Variants in NEO1 observed in about 807,000 individuals in gnomAD.
The protein encoded by NEO1 is neogenin 1, also known as neogenin.
Under a neutral mutation model 159.7 loss-of-function variants are expected in NEO1, and 63 were observed. The observed-to-expected ratio is 0.39, with a 90% CI of 0.32 to 0.49. The LOEUF is 0.49. NEO1 is among the 20% of genes least tolerant of loss of function. The pLI, the probability that NEO1 is intolerant of heterozygous loss-of-function variation, is 0.85. For missense variants in NEO1, 1,615 were observed against 1,831.0 expected, an observed-to-expected ratio of 0.88 and a Z score of 2.15; for synonymous variants, 633 against 662.0, an observed-to-expected ratio of 0.96 and a Z score of 0.67.
chr15:73,127,226 G>A (rs1257365726), intron 4 of NEO1, among the ~76,000 whole-genome samples: 1 of 120,276 alleles, frequency 8.3e-6, no homozygotes, highest in Admixed American at 7.5e-5. Flanking sequence ...CCTAGACGCC[G>A]TCTCAAAAAA....
intron 4 of NEO1, among the ~76,000 whole-genome samples, chr15:73,134,064 T>C (rs1255771739): frequency 1.3e-5 from 2 of 152,230 alleles, no homozygotes; most frequent in African/African-American, 4.8e-5. Flanking sequence ...TTGATGAACA[T>C]TAAGTTTTTT....
intron 7 of NEO1, among the ~76,000 whole-genome samples, chr15:73,217,127 C>T (rs1451374726): frequency 2.0e-5 from 3 of 151,554 alleles, no homozygotes; most frequent in Non-Finnish European, 4.4e-5. Flanking sequence ...GGAAGGGATC[C>T]AGTTTCAGCT....
intron 22 of NEO1, among the ~76,000 whole-genome samples, chr15:73,280,467 C>G (rs1195830832): frequency 1.3e-5 from 2 of 152,136 alleles, no homozygotes; most frequent in Non-Finnish European, 2.9e-5. Context: ...CAGTGAAATG[C>G]AGGAAAGAAC....
At chr15:73,224,226 C>G (rs2038448667) in intron 7 of NEO1, among the ~76,000 whole-genome samples, 1 of 152,136 alleles carries the variant, frequency 6.6e-6, no homozygotes, top group African/African-American at 2.4e-5. Flanking sequence ...TCTCACAGCT[C>G]TTAAGATTCT....
chr15:73,052,416 C>T (rs1345653041), upstream of NEO1: 4 of 83,974 alleles, frequency 4.8e-5, 2 homozygotes, highest in African/African-American at 1.5e-4. Flanking sequence ...CCCACCGCCC[C>T]CCCCCCCCCG....
chr15:73,227,497 A>G (rs1361799944), intron 7 of NEO1, among the ~76,000 whole-genome samples: 2 of 152,136 alleles, frequency 1.3e-5, no homozygotes, highest in Admixed American at 1.3e-4. Flanking sequence ...CTCAAAAACA[A>G]ACAAACAAAA....
intron 2 of NEO1, among the ~76,000 whole-genome samples, chr15:73,117,766 CA>C (rs1194385321): frequency 2.0e-5 from 3 of 151,946 alleles, no homozygotes; most frequent in Non-Finnish European, 4.4e-5. Context: ...TTGGGTGTGA[CA>C]AAGTTTCTGT....
Position 73,107,267 on chromosome 15 carries a change from G to A in NEO1, c.131-9273G>A, listed in dbSNP as rs146661900. Among the ~76,000 whole-genome samples the A allele has an allele frequency of 6.9e-3, 1,056 of 152,276 alleles. 13 individuals carry two copies. The highest frequency in any genetic ancestry group is 0.024 in the African/African-American group (1,006 of 41,568). ...CTCTCCCACAGAAGCCTATGTAATT[G>A]TAGCAGTAAGGTAAAACAGATTCAC... On this transcript the variant is annotated intron_variant, in intron 1 of 28. Coordinates refer to ENST00000261908, the MANE Select transcript of NEO1 (RefSeq NM_002499.4).
chr15:73,259,554 A>G (rs1242888174), intron 14 of NEO1, among the ~76,000 whole-genome samples: 1 of 151,594 alleles, frequency 6.6e-6, no homozygotes, highest in Non-Finnish European at 1.5e-5. Context: ...GGGTCTCACT[A>G]TGTTGCCCAA....
intron 18 of NEO1, among the ~76,000 whole-genome samples, chr15:73,272,047 A>G (rs1567660723): frequency 6.6e-6 from 1 of 152,190 alleles, no homozygotes; most frequent in Non-Finnish European, 1.5e-5. Flanking sequence ...GAATTACATA[A>G]CTTCTCTAAT....
chr15:73,159,089 T>G (rs1256929816), intron 5 of NEO1, among the ~76,000 whole-genome samples: 1 of 152,208 alleles, frequency 6.6e-6, no homozygotes, highest in Non-Finnish European at 1.5e-5. Context: ...TATAGCAAGA[T>G]TCTGTCTCAA....
At chr15:73,077,070 G>GTC (rs559543074) in intron 1 of NEO1, among the ~76,000 whole-genome samples, 256 of 152,174 alleles carry the variant, frequency 1.7e-3, no homozygotes, top group African/African-American at 5.8e-3. Context: ...TTGAGACAGA[G>GTC]TCTCTCTCTC....
At chr15:73,136,964 G>C (rs2031829772) in intron 5 of NEO1, among the ~76,000 whole-genome samples, 1 of 152,050 alleles carries the variant, frequency 6.6e-6, no homozygotes, top group African/African-American at 2.4e-5. Context: ...ACTCTGACCG[G>C]GACTGTTGCC....
chr15:73,066,219 G>T (rs1342458157), intron 1 of NEO1, among the ~76,000 whole-genome samples: 4 of 60,196 alleles, frequency 6.6e-5, no homozygotes, highest in African/African-American at 7.1e-5. Flanking sequence ...TAGTGACGGG[G>T]TTTCATCGTG....
In NEO1 at chr15:73,189,501, C is replaced by T. The variant is rs1014780068; in HGVS notation, c.1291+11074C>T. Among the ~76,000 whole-genome samples the T allele has an allele frequency of 5.9e-5, 9 of 152,186 alleles. No homozygotes were observed. The South Asian group carries it at 8.3e-4, about 14-fold the overall frequency. ...TATTCTTCTGTTAGTTATTGAAAAA[C>T]GAAATCAATCTCTTGTGATGGTGCT... On this transcript the variant is annotated intron_variant, in intron 7 of 28. Transcript: ENST00000261908.
At chr15:73,109,221 T>C (rs185935028) in intron 1 of NEO1, among the ~76,000 whole-genome samples, 1 of 152,276 alleles carries the variant, frequency 6.6e-6, no homozygotes, top group African/African-American at 2.4e-5. Context: ...GGGGGAGATA[T>C]TATAGGTTTT....
chr15:73,246,192 C>T (rs1271873523), intron 9 of NEO1, among the ~76,000 whole-genome samples: 1 of 152,134 alleles, frequency 6.6e-6, no homozygotes, highest in African/African-American at 2.4e-5. Context: ...GTGCAAGATA[C>T]TGGAGATGCA....
At chr15:73,282,650 C>T (rs573907974) in intron 22 of NEO1, among the ~76,000 whole-genome samples, 9 of 152,298 alleles carry the variant, frequency 5.9e-5, no homozygotes, top group Non-Finnish European at 1.0e-4. Context: ...CACCAGAGAG[C>T]CAAGACTCTT....
intron 7 of NEO1, among the ~76,000 whole-genome samples, chr15:73,223,346 G>A (rs2038396301): frequency 6.6e-6 from 1 of 152,112 alleles, no homozygotes; most frequent in South Asian, 2.1e-4. Context: ...TTGACTTTCT[G>A]TCTTGATGAC....
Sources: allele counts gnomAD v4.1 joint callset (sites outside exome capture counted in the v4.1 genomes callset), GRCh38; gene constraint gnomAD v4.1.1; transcripts MANE v1.5; gene names NCBI Gene and HGNC (gene_info 2026-07-23, HGNC 2026-07-21).